The following FHIT variants were observed in gnomAD, a reference collection of about 807,000 sequenced individuals.
The protein encoded by FHIT is bis(5'-adenosyl)-triphosphatase.
In FHIT, 19 loss-of-function variants were observed where a neutral mutation model predicts 17.9. The observed-to-expected ratio is 1.06, with a 90% CI of 0.74 to 1.56. FHIT has a LOEUF of 1.56. Ranked by LOEUF, FHIT falls within the 40% of genes most tolerant of loss-of-function variation. The pLI, the probability that FHIT is intolerant of heterozygous loss-of-function variation, is 0.00. For missense variants in FHIT, 248 were observed against 189.2 expected (o/e 1.31, Z -1.82); for synonymous variants, 81 against 69.7 (o/e 1.16, Z -0.81).
intron 6 of FHIT, 88 bp from the exon 7 acceptor site, chr3:60,011,488 T>C (rs1700138405): frequency 9.0e-7 from 1 of 1,109,914 alleles, no homozygotes; most frequent in Non-Finnish European, 1.4e-6. Context: ...ATAATTTAGA[T>C]GCAATTTCAT....
At chr3:60,660,727 C>CTTTTTTTTTTTTTTTTTTTTTTTGTTTT (rs1220817643) in intron 4 of FHIT, among the ~76,000 whole-genome samples, 1 of 16,738 alleles carries the variant, frequency 6.0e-5, no homozygotes, top group African/African-American at 1.4e-4. Context: ...TTTTATTGTG[C>CTTTTTTTTTTTTTTTTTTTTTTTGTTTT]TCTTTTTTTT....
chr3:60,128,567 G>A (rs953199607), intron 5 of FHIT, among the ~76,000 whole-genome samples: 2 of 152,070 alleles, frequency 1.3e-5, no homozygotes, highest in African/African-American at 4.8e-5. Flanking sequence ...CTGAATTCTG[G>A]GGCAAGTACC....
At chr3:60,781,255 A>G (rs1368995318) in intron 4 of FHIT, among the ~76,000 whole-genome samples, 1 of 152,138 alleles carries the variant, frequency 6.6e-6, no homozygotes, top group Non-Finnish European at 1.5e-5. Context: ...TCACTTATTG[A>G]CTCATTAAAC....
chr3:60,975,687 G>A (rs1201678098), intron 3 of FHIT, among the ~76,000 whole-genome samples: 1 of 152,100 alleles, frequency 6.6e-6, no homozygotes, highest in Non-Finnish European at 1.5e-5. Flanking sequence ...GACCCACAGT[G>A]AAAAGTATTT....
chr3:60,595,810 ATTT>A (rs201417447), intron 4 of FHIT, among the ~76,000 whole-genome samples: 1 of 151,204 alleles, frequency 6.6e-6, no homozygotes, highest in Admixed American at 6.6e-5. Flanking sequence ...TGCCTGGCTA[ATTT>A]TTTTTTAAGA....
At chr3:60,060,835 T>A (rs1163348393) in intron 5 of FHIT, among the ~76,000 whole-genome samples, 1 of 152,228 alleles carries the variant, frequency 6.6e-6, no homozygotes, top group Non-Finnish European at 1.5e-5. Context: ...TTTCTCTTAT[T>A]AATTACTTCT....
intron 5 of FHIT, among the ~76,000 whole-genome samples, chr3:60,282,038 G>A (rs998497205): frequency 6.6e-6 from 1 of 152,150 alleles, no homozygotes; most frequent in African/African-American, 2.4e-5. Flanking sequence ...TGATGGGAAC[G>A]TTCATGCATT....
intron 4 of FHIT, among the ~76,000 whole-genome samples, chr3:60,794,909 C>G (rs1700921812): frequency 6.6e-6 from 1 of 152,266 alleles, no homozygotes; most frequent in African/African-American, 2.4e-5. Context: ...TACTGTGTAT[C>G]AAATTCAAAA....
At chr3:60,414,687 G>C (rs1418877737) in intron 5 of FHIT, among the ~76,000 whole-genome samples, 1 of 152,126 alleles carries the variant, frequency 6.6e-6, no homozygotes, top group African/African-American at 2.4e-5. Flanking sequence ...ATTTAATAGA[G>C]AAGATAAAAG....
At chr3:60,362,801 G>T (rs1224127602) in intron 5 of FHIT, among the ~76,000 whole-genome samples, 1 of 152,070 alleles carries the variant, frequency 6.6e-6, no homozygotes, top group East Asian at 1.9e-4. Context: ...GATAAACAGG[G>T]TACAGTATAC....
intron 3 of FHIT, among the ~76,000 whole-genome samples, chr3:60,901,289 A>G (rs997789124): frequency 2.6e-5 from 4 of 152,152 alleles, no homozygotes; most frequent in Non-Finnish European, 4.4e-5. Flanking sequence ...ATTTGTCTTG[A>G]TCACTAAGTA....
intron 3 of FHIT, among the ~76,000 whole-genome samples, chr3:60,859,810 G>A (rs1367860150): frequency 4.6e-5 from 6 of 129,552 alleles, no homozygotes; most frequent in Non-Finnish European, 7.8e-5. Flanking sequence ...TTGGGAAGCT[G>A]AGGTGGGTGG....
chr3:60,138,094 T>A (rs1699888746), intron 5 of FHIT, among the ~76,000 whole-genome samples: 1 of 152,208 alleles, frequency 6.6e-6, no homozygotes, highest in African/African-American at 2.4e-5. Flanking sequence ...ACAATCTTAG[T>A]GGCTCCAATC....
At chr3:60,838,581 A>C (rs951455356) in intron 3 of FHIT, among the ~76,000 whole-genome samples, 1 of 152,178 alleles carries the variant, frequency 6.6e-6, no homozygotes, top group Non-Finnish European at 1.5e-5. Flanking sequence ...GGATATTTTC[A>C]CAGGCAATAG....
chr3:60,776,803 G>C (rs563187381), intron 4 of FHIT, among the ~76,000 whole-genome samples: 1 of 152,296 alleles, frequency 6.6e-6, no homozygotes, highest in East Asian at 1.9e-4. Flanking sequence ...GTTATAAGAA[G>C]TCATGGAAAT....
At chr3:61,134,130 C>CACACACACACACAA (rs1200290794) in intron 2 of FHIT, among the ~76,000 whole-genome samples, 30 of 151,526 alleles carry the variant, frequency 2.0e-4, no homozygotes, top group African/African-American at 6.1e-4. Context: ...CACACACACA[C>CACACACACACACAA]AAAGAGGTCA....
In FHIT at chr3:60,581,209, C is replaced by T. The variant is rs540678662; in HGVS notation, c.-17-44230G>A. 2.4e-4 allele frequency among the ~76,000 whole-genome samples: 37 copies of T among 152,188 alleles called. No individual in the cohort carries two copies. In the South Asian group the frequency reaches 2.5e-3, roughly 10 times the overall value. On this transcript the variant is annotated intron_variant, in intron 4 of 9. Coordinates refer to ENST00000492590, the MANE Select transcript of FHIT (RefSeq NM_002012.4). ...AGAATACTGACAAGCACATTAAATA[C>T]GTAATTCTCATCCTCCCCCACAAAA... is the stretch of plus-strand genomic sequence containing the variant.
At chr3:60,470,058 T>TTCTCTCTCTCTCTC (rs796525437) in intron 5 of FHIT, among the ~76,000 whole-genome samples, 23,340 of 142,744 alleles carry the variant, frequency 0.16, 2,153 homozygotes, top group South Asian at 0.26. Context: ...CTCTCTTTCT[T>TTCTCTCTCTCTCTC]TCTCTCTCTC....
intron 5 of FHIT, among the ~76,000 whole-genome samples, chr3:60,201,366 A>G (rs1332409929): frequency 6.6e-6 from 1 of 152,114 alleles, no homozygotes; most frequent in Non-Finnish European, 1.5e-5. Context: ...ATTTTTTAAG[A>G]GATGGGGTCT....
Sources: gnomAD v4.1 joint callset for allele counts (sites outside exome capture counted in the v4.1 genomes callset) on GRCh38, gnomAD v4.1.1 for gene constraint, MANE v1.5 for transcripts, NCBI Gene and HGNC (gene_info 2026-07-23, HGNC 2026-07-21) for gene names.